The following HECTD4 variants were observed in gnomAD, a reference collection of about 807,000 sequenced individuals.
HECTD4 encodes probable E3 ubiquitin-protein ligase HECTD4.
In HECTD4, 114 loss-of-function variants were observed where a neutral mutation model predicts 471.5. The observed-to-expected ratio is 0.24, with a 90% CI of 0.21 to 0.28. HECTD4 has a LOEUF of 0.28. Ranked by LOEUF, HECTD4 falls within the 10% of genes least tolerant of loss-of-function variation. The probability of loss-of-function intolerance (pLI) is 1.00; values close to 1 mark genes in which losing one functional copy is unlikely to be tolerated. For missense variants in HECTD4, 3,866 were observed against 5,651.5 expected (o/e 0.68, Z 10.13); for synonymous variants, 2,012 against 2,256.0 (o/e 0.89, Z 3.07).
rs16942014 is a variant in HECTD4, at chr12:112,328,794, A to C, written c.178-9052T>G. 6.1e-3 allele frequency among the ~76,000 whole-genome samples: 926 copies of C among 152,326 alleles called. 11 individuals are homozygous for C. The highest frequency in any genetic ancestry group is 0.021 in the African/African-American group (862 of 41,564). On this transcript the variant is annotated intron_variant, in intron 1 of 75. Transcript: ENST00000682272. ...TATTTGTAAAAAGGGTCTTAAACCTAACTGAGAACGAGGATATTAAATTTC... is the reference window on the plus strand; with the variant it reads ...TATTTGTAAAAAGGGTCTTAAACCTCACTGAGAACGAGGATATTAAATTTC...
intron 17 of HECTD4, among the ~76,000 whole-genome samples, chr12:112,262,369 G>T (rs1241685368): frequency 6.6e-6 from 1 of 151,356 alleles, no homozygotes; most frequent in Non-Finnish European, 1.5e-5. Context: ...AAATTAGCTG[G>T]GCATTACAGA....
intron 60 of HECTD4, among the ~76,000 whole-genome samples, chr12:112,190,301 T>C (rs968138713): frequency 3.3e-5 from 5 of 152,238 alleles, no homozygotes; most frequent in African/African-American, 1.2e-4. Context: ...TAAGGAGGCA[T>C]ATCATTAAAG....
intron 1 of HECTD4, among the ~76,000 whole-genome samples, chr12:112,379,827 G>A (rs1054632733): frequency 6.6e-6 from 1 of 150,952 alleles, no homozygotes; most frequent in Non-Finnish European, 1.5e-5. Flanking sequence ...TGTATAACAT[G>A]GAAAGAATGA....
intron 2 of HECTD4, among the ~76,000 whole-genome samples, chr12:112,318,130 A>G (rs1373859631): frequency 6.6e-6 from 1 of 151,382 alleles, no homozygotes; most frequent in African/African-American, 2.4e-5. Context: ...CAAAAAAATT[A>G]GTTGGGCACC....
At chr12:112,199,748 T>TTCC (rs2032359962) in intron 55 of HECTD4, among the ~76,000 whole-genome samples, 1 of 152,202 alleles carries the variant, frequency 6.6e-6, no homozygotes, top group Non-Finnish European at 1.5e-5. Flanking sequence ...GCTAGGCACA[T>TTCC]AGAAAGCACT....
At chr12:112,205,471 A>C (rs532106246) in intron 52 of HECTD4, among the ~76,000 whole-genome samples, 6 of 152,338 alleles carry the variant, frequency 3.9e-5, no homozygotes, top group African/African-American at 1.4e-4. Context: ...CGAAGTGTTC[A>C]TCAGTACAAA....
chr12:112,277,083 G>A (rs900717164), intron 9 of HECTD4, among the ~76,000 whole-genome samples: 3 of 152,122 alleles, frequency 2.0e-5, no homozygotes, highest in African/African-American at 4.8e-5. Context: ...CCACTCCTAC[G>A]TATGTGCCCA....
At chr12:112,293,431 A>C (rs1032438152) in intron 7 of HECTD4, among the ~76,000 whole-genome samples, 27 of 151,362 alleles carry the variant, frequency 1.8e-4, no homozygotes, top group African/African-American at 3.6e-4. Flanking sequence ...AATCTCAGCC[A>C]CTCGGGAGGC....
chr12:112,221,177 C>G (rs576123609), intron 44 of HECTD4, among the ~76,000 whole-genome samples: 1 of 151,854 alleles, frequency 6.6e-6, no homozygotes, highest in Admixed American at 6.6e-5. Context: ...ATAAAAATTA[C>G]AATTAAAAAA....
chr12:112,175,581 A>G (rs2031409457), intron 66 of HECTD4, among the ~76,000 whole-genome samples, 155 bp downstream of exon 66: 1 of 152,204 alleles, frequency 6.6e-6, no homozygotes, highest in Non-Finnish European at 1.5e-5. Flanking sequence ...GGGTTAGAAA[A>G]CCCATTTAGC....
intron 1 of HECTD4, among the ~76,000 whole-genome samples, chr12:112,336,583 A>C (rs1457405987): frequency 6.6e-6 from 1 of 151,852 alleles, no homozygotes; most frequent in Non-Finnish European, 1.5e-5. Context: ...CAATATATTT[A>C]ATTATATTAA....
chr12:112,341,032 TC>T (rs1218211230), intron 1 of HECTD4, among the ~76,000 whole-genome samples: 1 of 152,222 alleles, frequency 6.6e-6, no homozygotes, highest in African/African-American at 2.4e-5. Flanking sequence ...TTTTTAAAAA[TC>T]TTTTTCGAAT....
chr12:112,217,467 C>T (rs1759483047), intron 45 of HECTD4, among the ~76,000 whole-genome samples: 1 of 152,074 alleles, frequency 6.6e-6, no homozygotes, highest in African/African-American at 2.4e-5. Context: ...GGTCCTCTTG[C>T]TTCAGCCTCC....
intron 68 of HECTD4, 22 bp from the exon 69 acceptor site, chr12:112,170,474 A>G: frequency 1.2e-6 from 2 of 1,612,652 alleles, no homozygotes; most frequent in Non-Finnish European, 1.7e-6. Flanking sequence ...AACGTGGGAG[A>G]GGCTTGGGTG....
chr12:112,169,492 C>T lies in HECTD4; in HGVS notation c.12208+11G>A, dbSNP rs2031127466. ...CTCCTCCAGCGTGGAGCCTGGCGGG[C>T]CACCACTTACTGGTGCCATGGACCT... On this transcript the variant is annotated intron_variant, in intron 70 of 75. Coordinates refer to ENST00000682272, the MANE Select transcript of HECTD4 (RefSeq NM_001388303.1). The T allele has an allele frequency of 3.1e-6, 5 of 1,602,184 alleles. No homozygotes were observed. The highest frequency in any genetic ancestry group is 4.3e-6 in the Non-Finnish European group (5 of 1,173,772).
At chr12:112,258,724 A>C (rs1256699744) in intron 19 of HECTD4, 128 bp from the exon 20 acceptor site, 1 of 698,002 alleles carries the variant, frequency 1.4e-6, no homozygotes, top group Admixed American at 3.4e-5. Flanking sequence ...CTTCATTAAG[A>C]AATGCTGTGC....
At chr12:112,363,551 C>T (rs2036497546) in intron 1 of HECTD4, among the ~76,000 whole-genome samples, 1 of 152,208 alleles carries the variant, frequency 6.6e-6, no homozygotes, top group Admixed American at 6.5e-5. Flanking sequence ...AAAATTCATT[C>T]AAAGTCATTA....
intron 7 of HECTD4, among the ~76,000 whole-genome samples, chr12:112,296,644 T>A (rs2035025645): frequency 4.0e-5 from 6 of 148,994 alleles, no homozygotes; most frequent in Middle Eastern, 7.1e-3. Context: ...AGGGTGTGAG[T>A]ACAGTGGATG....
chr12:112,200,584 A>C, intron 55 of HECTD4, 54 bp downstream of exon 55: 13 of 1,559,568 alleles, frequency 8.3e-6, no homozygotes, highest in Admixed American at 1.7e-5. Flanking sequence ...TACATGTGGT[A>C]GAGCGAAGTT....
Sources: allele counts gnomAD v4.1 joint callset (sites outside exome capture counted in the v4.1 genomes callset), GRCh38; gene constraint gnomAD v4.1.1; transcripts MANE v1.5; gene names NCBI Gene and HGNC (gene_info 2026-07-23, HGNC 2026-07-21).